SNX25: variants seen among roughly 807,000 people sequenced by gnomAD.
SNX25 encodes the protein sorting nexin 25.
SNX25 carries 62 observed loss-of-function variants against 113.7 expected under a neutral mutation model. The ratio of observed to expected loss-of-function variants is 0.55; its 90% CI spans 0.44 to 0.67. The LOEUF is 0.67. SNX25 is among the 30% of genes least tolerant of loss of function. SNX25 has a pLI of 0.00. For synonymous variants in SNX25, 421 were observed against 436.2 expected (o/e 0.97, Z 0.43); for missense variants, 1,014 against 1,161.0 (o/e 0.87, Z 1.84).
chr4:185,366,661 C>A (rs2095388991), downstream of SNX25: 1 of 152,104 alleles, frequency 6.6e-6, no homozygotes, highest in Admixed American at 6.5e-5. Flanking sequence ...GTCTTTTACC[C>A]TTAGTTTTGT....
chr4:185,250,867 G>A (rs1745530760), intron 2 of SNX25, among the ~76,000 whole-genome samples: 2 of 151,606 alleles, frequency 1.3e-5, no homozygotes, highest in African/African-American at 4.9e-5. Flanking sequence ...TCTGATATAA[G>A]CTATTCTACC....
chr4:185,219,403 C>CA (rs1739431507), intron 1 of SNX25, among the ~76,000 whole-genome samples: 1 of 151,778 alleles, frequency 6.6e-6, no homozygotes, highest in Non-Finnish European at 1.5e-5. Flanking sequence ...ACTAAAAATA[C>CA]AAAAAATTAG....
intron 7 of SNX25, 31 bp from the exon 8 acceptor site, chr4:185,320,702 T>TA: frequency 5.0e-6 from 7 of 1,404,294 alleles, no homozygotes; most frequent in East Asian, 2.6e-5. Context: ...AATTCGATTT[T>TA]AAAAAAAGTT....
chr4:185,353,553 G>A lies in SNX25; in HGVS notation c.2535G>A (p.Leu845=). The A allele has an allele frequency of 1.2e-6, 2 of 1,614,136 alleles. No individual in the cohort carries two copies. The highest frequency in any genetic ancestry group is 1.7e-6 in the Non-Finnish European group (2 of 1,180,028). The part of the protein sequence containing the change: ...GDDVDGRKDA[L]AEPCFMLIGE... ...ATGTGGATGGGAGGAAAGACGCCTT[G>A]GCTGAACCATGTTTCATGTTGATTG... is the stretch of plus-strand genomic sequence containing the variant. Residue 845 remains leucine, a synonymous_variant, in exon 15 of 19, where the codon TTG becomes TTA. Coordinates refer to ENST00000652585, the MANE Select transcript of SNX25 (RefSeq NM_001378034.2).
At chr4:185,344,140 G>C (rs1277584603) in intron 12 of SNX25, among the ~76,000 whole-genome samples, 1 of 152,160 alleles carries the variant, frequency 6.6e-6, no homozygotes, top group Non-Finnish European at 1.5e-5. Context: ...AGAATCACTT[G>C]AACCTGGGAG....
chr4:185,293,977 G>A (rs889458012), intron 6 of SNX25, among the ~76,000 whole-genome samples: 1 of 152,130 alleles, frequency 6.6e-6, no homozygotes, highest in African/African-American at 2.4e-5. Flanking sequence ...ATAAGGTATT[G>A]CAATCTAGGA....
Position 185,332,767 on chromosome 4 carries a change from T to A in SNX25, c.1914+8T>A. On this transcript the variant is annotated splice_region_variant and intron_variant, in intron 10 of 18. Coordinates refer to ENST00000652585, the MANE Select transcript of SNX25 (RefSeq NM_001378034.2). Reference sequence around the variant, plus strand: ...CCAAAACCTGACAAGAAGGTAACTCTTTGCTTTCAAGGTTGTCTTTGAAAG... The same window carrying A: ...CCAAAACCTGACAAGAAGGTAACTCATTGCTTTCAAGGTTGTCTTTGAAAG... The A allele has an allele frequency of 6.2e-7, 1 of 1,611,224 alleles. No homozygotes were observed. The highest frequency in any genetic ancestry group is 8.5e-7 in the Non-Finnish European group (1 of 1,178,864).
intron 1 of SNX25, among the ~76,000 whole-genome samples, chr4:185,239,268 G>A (rs55716921): frequency 0.36 from 54,037 of 151,128 alleles, 10,046 homozygotes; most frequent in East Asian, 0.66. Context: ...GATCACTTGA[G>A]GTCAGGAGAT....
chr4:185,207,819 G>A (rs1285427837), upstream of SNX25: 1 of 152,160 alleles, frequency 6.6e-6, no homozygotes, highest in Non-Finnish European at 1.5e-5. Context: ...AGTATGTTTG[G>A]TCCTTAGAAT....
intron 1 of SNX25, among the ~76,000 whole-genome samples, chr4:185,217,607 C>G (rs566043211): frequency 3.6e-4 from 55 of 152,312 alleles, no homozygotes; most frequent in African/African-American, 1.3e-3. Flanking sequence ...GTTTTTGAAG[C>G]ATACGATGTC....
chr4:185,207,242 G>A (rs1410893304), upstream of SNX25, among the ~76,000 whole-genome samples: 5 of 112,034 alleles, frequency 4.5e-5, no homozygotes, highest in African/African-American at 1.4e-4. Context: ...TTTTTGAGAC[G>A]GAGTCTCGCT....
chr4:185,318,170 C>T (rs1026914921), intron 7 of SNX25, among the ~76,000 whole-genome samples: 2 of 152,108 alleles, frequency 1.3e-5, no homozygotes, highest in African/African-American at 4.8e-5. Flanking sequence ...AAATATCTTA[C>T]TGGTGACATT....
chr4:185,302,823 C>G (rs1444829465), intron 6 of SNX25, among the ~76,000 whole-genome samples: 1 of 152,190 alleles, frequency 6.6e-6, no homozygotes, highest in Non-Finnish European at 1.5e-5. Context: ...GAGGGTTCCT[C>G]CCTGCCCAGT....
intron 1 of SNX25, among the ~76,000 whole-genome samples, chr4:185,218,415 G>T (rs1739237509): frequency 1.3e-5 from 2 of 152,206 alleles, no homozygotes; most frequent in African/African-American, 4.8e-5. Context: ...GTATGGTGGA[G>T]CTTTCCAGAA....
intron 2 of SNX25, among the ~76,000 whole-genome samples, chr4:185,250,726 T>G (rs567132648): frequency 6.6e-6 from 1 of 151,864 alleles, no homozygotes; most frequent in South Asian, 2.1e-4. Flanking sequence ...TTTATGGTTT[T>G]TTTTTTTTTT....
chr4:185,355,304 A>G (rs1483882939), intron 15 of SNX25, among the ~76,000 whole-genome samples: 1 of 152,184 alleles, frequency 6.6e-6, no homozygotes, highest in Non-Finnish European at 1.5e-5. Flanking sequence ...AAGAGAATAT[A>G]TAATGTCAAT....
intron 6 of SNX25, 69 bp downstream of exon 6, chr4:185,288,151 C>A: frequency 8.0e-7 from 1 of 1,243,006 alleles, no homozygotes; most frequent in Non-Finnish European, 1.1e-6. Context: ...CTTCTCCCAC[C>A]TGTCAGATCT....
the SNX25 span, among the ~76,000 whole-genome samples, chr4:185,375,203 G>A: frequency 6.6e-6 from 1 of 151,006 alleles, no homozygotes; most frequent in African/African-American, 2.4e-5. Context: ...AGCCTCCCAG[G>A]TAGCTGGGAA....
At chr4:185,216,762 CCA>C (rs1738921472) in intron 1 of SNX25, among the ~76,000 whole-genome samples, 1 of 151,732 alleles carries the variant, frequency 6.6e-6, no homozygotes, top group African/African-American at 2.4e-5. Flanking sequence ...CTCAGATGAT[CCA>C]CCCGCCTTGG....
Sources: gnomAD v4.1 joint callset for allele counts (sites outside exome capture counted in the v4.1 genomes callset) on GRCh38, gnomAD v4.1.1 for gene constraint, MANE v1.5 for transcripts, NCBI Gene and HGNC (gene_info 2026-07-23, HGNC 2026-07-21) for gene names.